The following CHAMP1 variants were observed in gnomAD, a reference collection of about 807,000 sequenced individuals.
CHAMP1 encodes the protein chromosome alignment maintaining phosphoprotein 1.
In CHAMP1, 4 loss-of-function variants were observed where a neutral mutation model predicts 54.5. That is an observed-to-expected ratio of 0.07 (90% CI 0.04 to 0.17). The LOEUF is 0.17. Ranked by LOEUF, CHAMP1 falls within the 10% of genes least tolerant of loss-of-function variation. The pLI is 1.00. For missense variants in CHAMP1, 994 were observed against 968.6 expected (o/e 1.03, Z -0.35); for synonymous variants, 368 against 342.2 (o/e 1.08, Z -0.83).
intron 1 of CHAMP1, among the ~76,000 whole-genome samples, chr13:114,316,131 C>T (rs377486935): frequency 4.0e-5 from 6 of 151,656 alleles, no homozygotes; most frequent in Non-Finnish European, 7.4e-5. Context: ...CCACCATGTC[C>T]GGCCTAAATG....
chr13:114,320,436 C>T (rs1594867283), intron 1 of CHAMP1, among the ~76,000 whole-genome samples: 1 of 152,144 alleles, frequency 6.6e-6, no homozygotes, highest in African/African-American at 2.4e-5. Context: ...TAATTTGGCA[C>T]TCTGCTGTGT....
chr13:114,320,783 C>T (rs181895328), intron 1 of CHAMP1, among the ~76,000 whole-genome samples: 1,544 of 152,070 alleles, frequency 0.01, 16 homozygotes, highest in African/African-American at 0.026. Flanking sequence ...GGTGAAACCC[C>T]GTCTCTACTA....
At chr13:114,318,988 T>C (rs552501481) in intron 1 of CHAMP1, among the ~76,000 whole-genome samples, 1 of 150,606 alleles carries the variant, frequency 6.6e-6, no homozygotes, top group Admixed American at 6.7e-5. Context: ...GTGCAGAATA[T>C]GGGATATAGT....
At position 114,324,860 on chromosome 13, in the gene CHAMP1, G is replaced by A; in HGVS notation, c.1018G>A (p.Ala340Thr). 1 of 1,614,088 alleles carries A rather than the reference G, an allele frequency of 6.2e-7. No homozygotes were observed. The highest frequency in any genetic ancestry group is 8.5e-7 in the Non-Finnish European group (1 of 1,180,028). ...AGGACCTTGGAAGCCAGCTAAACCT[G>A]CTCCATCTGTGTCTCCTGGACCTTG... is the stretch of plus-strand genomic sequence containing the variant. ...SSGPWKPAKP[A>T]PSVSPGPWKP... Residue 340 changes from alanine to threonine, a missense_variant, in exon 3 of 3, where the codon GCT (alanine) becomes ACT (threonine). By Grantham distance (58) the Ala-to-Thr change is moderately conservative. Transcript: ENST00000361283.
intron 1 of CHAMP1, among the ~76,000 whole-genome samples, chr13:114,320,272 G>A (rs1357912702): frequency 3.3e-5 from 5 of 152,164 alleles, no homozygotes; most frequent in African/African-American, 1.2e-4. Flanking sequence ...TCTTTGAAAT[G>A]CATGCAGGAA....
chr13:114,315,196 A>G (rs1250041199), intron 1 of CHAMP1, among the ~76,000 whole-genome samples: 2 of 152,178 alleles, frequency 1.3e-5, no homozygotes, highest in African/African-American at 4.8e-5. Flanking sequence ...ACTAACCATT[A>G]AGGAAATGCA....
chr13:114,323,348 T>C (rs1365361996), intron 2 of CHAMP1: 1 of 152,998 alleles, frequency 6.5e-6, no homozygotes, highest in Non-Finnish European at 1.5e-5. Flanking sequence ...TTTTAGTCTC[T>C]TGTTCATCCT....
chr13:114,315,493 T>C (rs1489398739), intron 1 of CHAMP1, among the ~76,000 whole-genome samples: 1 of 152,218 alleles, frequency 6.6e-6, no homozygotes, highest in Non-Finnish European at 1.5e-5. Context: ...AGCTGTGGTA[T>C]ATACATATAA....
rs1555379813 is a variant in CHAMP1 at position 114,325,445 on chromosome 13, G to A, written c.1603G>A (p.Ala535Thr). The stretch of plus-strand genomic sequence containing the variant: ...AAAACCTGCCCTGTTTCCCGAGCCT[G>A]CCAAAACAGCCCCTCCTGCTTCTCC... ...PRKPALFPEP[A>T]KTAPPASPEA... The change falls in exon 3 of 3, where the codon GCC becomes ACC. Residue 535 changes from alanine to threonine, a missense_variant. Physicochemically the swap from Ala to Thr is moderately conservative, Grantham distance 58. This residue lies in a region of CHAMP1 where 851 missense variants were observed against 701.3 expected (regional missense o/e 1.21). Transcript: ENST00000361283. The A allele has an allele frequency of 2.5e-6, 4 of 1,614,106 alleles. No individual in the cohort carries two copies. Among genetic ancestry groups the A allele is most frequent in the South Asian group, 2.2e-5 (2 of 91,086 alleles).
chr13:114,318,044 GCT>G (rs2087120155), intron 1 of CHAMP1, among the ~76,000 whole-genome samples: 1 of 152,214 alleles, frequency 6.6e-6, no homozygotes, highest in South Asian at 2.1e-4. Flanking sequence ...AGGACGCCCA[GCT>G]CTCTAGGCTT....
chr13:114,325,220 C>A lies in CHAMP1; in HGVS notation c.1378C>A (p.Pro460Thr), dbSNP rs1555379751. Residue 460 changes from proline to threonine, a missense_variant, in exon 3 of 3, where the codon CCT (proline) becomes ACT (threonine). By Grantham distance (38) the Pro-to-Thr change is conservative. Transcript: ENST00000361283. ...TTCTCCTGATCAGCGGAAAACTTCT[C>A]CTGCTTCACTTGATTTCCCTGAGTC... is the stretch of plus-strand genomic sequence containing the variant. ...KLSPDQRKTS[P>T]ASLDFPESQK... 1 of 1,614,096 alleles carries A rather than the reference C, an allele frequency of 6.2e-7. No homozygotes were observed. Among genetic ancestry groups the A allele is most frequent in the South Asian group, 1.1e-5 (1 of 91,078 alleles).
In CHAMP1 at chr13:114,323,877, C is replaced by G. The variant is rs781801530; in HGVS notation, c.35C>G (p.Ala12Gly). The G allele has an allele frequency of 3.7e-6, 6 of 1,609,216 alleles. No individual in the cohort carries two copies. The Admixed American group carries it at 1.0e-4, about 27-fold the overall frequency. Residue 12 changes from alanine to glycine, a missense_variant, in exon 3 of 3, where the codon GCA becomes GGA. Ala to Gly is a moderately conservative substitution (Grantham distance 60). This residue lies in a region of CHAMP1 where 84 missense variants were observed against 120.7 expected (regional missense o/e 0.70). Coordinates refer to ENST00000361283, the MANE Select transcript of CHAMP1 (RefSeq NM_032436.4). ...TTCCAGGAACTTCGTAAACCATCAG[C>G]ACGTTTGGAGTGTGACCATTGCAGT... The part of the protein sequence containing the change: ...EAFQELRKPS[A>G]RLECDHCSFR...
chr13:114,320,804 A>G (rs1337041348), intron 1 of CHAMP1, among the ~76,000 whole-genome samples: 5 of 152,060 alleles, frequency 3.3e-5, no homozygotes, highest in East Asian at 1.9e-4. Context: ...AAAATACAAA[A>G]AACTAGCCGG....
Position 114,324,525 on chromosome 13 carries a change from A to C in CHAMP1, c.683A>C (p.Gln228Pro). Residue 228 changes from glutamine to proline, a missense_variant, in exon 3 of 3, where the codon CAG (glutamine) becomes CCG (proline). Coordinates refer to ENST00000361283, the MANE Select transcript of CHAMP1 (RefSeq NM_032436.4). The part of the protein sequence containing the change: ...VKATLSNPKP[Q>P]KQSHFPETLG... Reference sequence around the variant, plus strand: ...GCTACTCTTAGTAATCCCAAACCCCAGAAGCAGTCTCATTTCCCGGAAACA... The same window carrying C: ...GCTACTCTTAGTAATCCCAAACCCCCGAAGCAGTCTCATTTCCCGGAAACA... 1 of 1,614,082 alleles carries C rather than the reference A, an allele frequency of 6.2e-7. No individual in the cohort carries two copies. Among genetic ancestry groups the C allele is most frequent in the Non-Finnish European group, 8.5e-7 (1 of 1,180,010 alleles).
chr13:114,320,418 C>T (rs1027306840), intron 1 of CHAMP1, among the ~76,000 whole-genome samples: 8 of 152,196 alleles, frequency 5.3e-5, no homozygotes, highest in South Asian at 2.1e-4. Context: ...CCTTCCTCCA[C>T]TGCCTGTTAA....
chr13:114,325,706 G>T lies in CHAMP1; in HGVS notation c.1864G>T (p.Asp622Tyr). The change falls in exon 3 of 3, where the codon GAC becomes TAC. Residue 622 changes from aspartate to tyrosine, a missense_variant. Physicochemically the swap from Asp to Tyr is radical, Grantham distance 160. Transcript: ENST00000361283. ...LFPSSKKLKK[D>Y]NQESSDAELS... is the part of the protein sequence containing the mutation. ...TCCTTCCTCAAAGAAGCTCAAGAAA[G>T]ACAACCAAGAGAGCTCAGACGCTGA... The T allele has an allele frequency of 1.2e-6, 2 of 1,613,746 alleles. No homozygotes were observed. Among genetic ancestry groups the T allele is most frequent in the South Asian group, 2.2e-5 (2 of 91,014 alleles).
chr13:114,325,257 C>A lies in CHAMP1; in HGVS notation c.1415C>A (p.Ser472Tyr), dbSNP rs868942670. Residue 472 changes from serine to tyrosine, a missense_variant, in exon 3 of 3, where the codon TCC (serine) becomes TAC (tyrosine). Ser to Tyr is a moderately radical substitution (Grantham distance 144, BLOSUM62 -2). This residue lies in a region of CHAMP1 where 851 missense variants were observed against 701.3 expected (regional missense o/e 1.21). Coordinates refer to ENST00000361283, the MANE Select transcript of CHAMP1 (RefSeq NM_032436.4). ...SLDFPESQKS[S>Y]RGGSPDLWKS... ...GATTTCCCTGAGTCCCAGAAAAGTT[C>A]CCGTGGTGGTTCTCCTGATCTCTGG... 3.7e-6 allele frequency: 6 copies of A among 1,614,130 alleles called. No homozygotes were observed. Among genetic ancestry groups the A allele is most frequent in the Non-Finnish European group, 5.1e-6 (6 of 1,180,022 alleles).
intron 2 of CHAMP1, 62 bp from the exon 3 acceptor site, chr13:114,323,726 A>G: frequency 7.6e-7 from 1 of 1,310,078 alleles, no homozygotes; most frequent in Non-Finnish European, 1.0e-6. Context: ...TATAGAATGG[A>G]CTGACAGCAT....
chr13:114,321,733 A>G (rs1381472747), intron 2 of CHAMP1, among the ~76,000 whole-genome samples: 2 of 152,104 alleles, frequency 1.3e-5, no homozygotes, highest in African/African-American at 2.4e-5. Context: ...CATGCATTCA[A>G]TTACGTTTGT....
Sources: allele counts gnomAD v4.1 joint callset (sites outside exome capture counted in the v4.1 genomes callset), GRCh38; gene constraint gnomAD v4.1.1; regional missense constraint gnomAD v4.1.1; transcripts MANE v1.5; gene names NCBI Gene and HGNC (gene_info 2026-07-23, HGNC 2026-07-21).